Variants in C2orf72 observed in about 807,000 individuals in gnomAD.
C2orf72 encodes uncharacterized protein C2orf72.
Under a neutral mutation model 14.4 loss-of-function variants are expected in C2orf72, and 16 were observed. The observed-to-expected ratio is 1.11, with a 90% confidence interval of 0.75 to 1.69. The LOEUF is 1.69. Ranked by LOEUF, C2orf72 falls within the 40% of genes most tolerant of loss-of-function variation. The pLI, the probability that C2orf72 is intolerant of heterozygous loss-of-function variation, is 0.00. For synonymous variants in C2orf72, 168 were observed against 176.8 expected (o/e 0.95, Z 0.40); for missense variants, 371 against 358.3 (o/e 1.04, Z -0.29).
In C2orf72 at chr2:231,038,045, G is replaced by C. The variant is rs940181171; in HGVS notation, c.480G>C (p.Leu160=). ...AGPEDAVAPG[L]RLLEALLRAV... is the part of the protein sequence containing the mutation. ...CAGAGGACGCGGTGGCGCCGGGGCT[G>C]CGGCTGCTGGAGGCGCTGTTGCGCG... The change falls in exon 1 of 3, where the codon CTG becomes CTC. Residue 160 remains leucine (L), a synonymous_variant. Transcript: ENST00000373640. 14 of 1,102,562 alleles carry C rather than the reference G, an allele frequency of 1.3e-5. No homozygotes were observed. The African/African-American group carries it at 2.3e-4, about 18-fold the overall frequency. 68.3% of individuals were successfully genotyped at this position (1,102,562 alleles called of 1,614,324 possible).
At chr2:231,044,100 A>C (rs1693378708) in intron 2 of C2orf72, among the ~76,000 whole-genome samples, 1 of 152,194 alleles carries the variant, frequency 6.6e-6, no homozygotes, top group African/African-American at 2.4e-5. Flanking sequence ...AAAATATGCT[A>C]TAAAAGATCA....
intron 2 of C2orf72, among the ~76,000 whole-genome samples, chr2:231,045,157 G>A (rs1057309184): frequency 7.2e-5 from 11 of 151,734 alleles, no homozygotes; most frequent in East Asian, 3.9e-4. Flanking sequence ...TCAGCTACTC[G>A]GGAGGCTGAG....
At chr2:231,040,177 T>C (rs896613530) in intron 1 of C2orf72, among the ~76,000 whole-genome samples, 2 of 152,204 alleles carry the variant, frequency 1.3e-5, no homozygotes, top group African/African-American at 2.4e-5. Flanking sequence ...TCCCTTGACC[T>C]TCCCTGCTCC....
At chr2:231,042,376 C>T (rs574547604) in intron 2 of C2orf72, among the ~76,000 whole-genome samples, 37 of 152,148 alleles carry the variant, frequency 2.4e-4, no homozygotes, top group Non-Finnish European at 4.7e-4. Flanking sequence ...TATATACCTA[C>T]GATAAAGCTT....
chr2:231,045,972 C>G (rs1693409947), intron 2 of C2orf72, among the ~76,000 whole-genome samples: 1 of 152,154 alleles, frequency 6.6e-6, no homozygotes, highest in Non-Finnish European at 1.5e-5. Context: ...AATTATATGT[C>G]AACAACATAT....
intron 2 of C2orf72, among the ~76,000 whole-genome samples, chr2:231,044,962 T>TATATATATATATACACACAC (rs985747494): frequency 6.8e-6 from 1 of 146,424 alleles, no homozygotes; most frequent in African/African-American, 2.5e-5. Flanking sequence ...TATATATATA[T>TATATATATATATACACACAC]ACACACACAC....
In C2orf72 at chr2:231,047,860, T is replaced by C. The variant is rs1693439457; in HGVS notation, c.*839T>C. 1 of 152,536 alleles carries C rather than the reference T, an allele frequency of 6.6e-6. No homozygotes were observed. The highest frequency in any genetic ancestry group is 6.5e-5 in the Admixed American group (1 of 15,308). The allele number at this position is 152,536 out of a possible 1,614,324, so 9.4% of individuals were successfully genotyped here. On this transcript the variant is annotated 3_prime_UTR_variant, in exon 3 of 3. Transcript: ENST00000373640. ...GCGTGCTGCAGGGCCAGGACAGAAA[T>C]AGCCACACATGCCGGTGAGAACAAA...
chr2:231,047,298 A>G lies in C2orf72; in HGVS notation c.*277A>G, dbSNP rs2125139585. 1 of 505,348 alleles carries G rather than the reference A, an allele frequency of 2.0e-6. No individual in the cohort carries two copies. Among genetic ancestry groups the G allele is most frequent in the Admixed American group, 2.6e-5 (1 of 39,044 alleles). 31.3% of individuals were successfully genotyped at this position (505,348 alleles called of 1,614,324 possible). On this transcript the variant is annotated 3_prime_UTR_variant, in exon 3 of 3. Coordinates refer to ENST00000373640, the MANE Select transcript of C2orf72 (RefSeq NM_001144994.2). Reference sequence around the variant, plus strand: ...CTCGGTTTCTCTGAGCCACTGAGACAGATGGCTGTCCGCTTTGAGGCTCTG... The same window carrying G: ...CTCGGTTTCTCTGAGCCACTGAGACGGATGGCTGTCCGCTTTGAGGCTCTG...
intron 2 of C2orf72, among the ~76,000 whole-genome samples, chr2:231,045,462 C>T (rs1443961564): frequency 6.7e-6 from 1 of 148,448 alleles, no homozygotes; most frequent in Non-Finnish European, 1.5e-5. Flanking sequence ...AACATCAGGA[C>T]AACTACAAGG....
At chr2:231,040,664 A>C (rs1341071418) in intron 1 of C2orf72, among the ~76,000 whole-genome samples, 1 of 152,234 alleles carries the variant, frequency 6.6e-6, no homozygotes, top group Non-Finnish European at 1.5e-5. Context: ...TCTGATGATA[A>C]TTCTTATTCT....
Position 231,048,286 on chromosome 2 carries a change from G to A in C2orf72, c.*1265G>A, listed in dbSNP as rs952475872. On this transcript the variant is annotated 3_prime_UTR_variant, in exon 3 of 3. Transcript: ENST00000373640. Reference sequence around the variant, plus strand: ...TCCCTGGAGGGGAGGCACTAGCTGAGGGAAGTAGCTCCCTTCATTCATGAT... The same window carrying A: ...TCCCTGGAGGGGAGGCACTAGCTGAAGGAAGTAGCTCCCTTCATTCATGAT... 3.3e-5 allele frequency: 5 copies of A among 152,262 alleles called. No homozygotes were observed. The highest frequency in any genetic ancestry group is 1.2e-4 in the African/African-American group (5 of 41,462). 9.4% of individuals were successfully genotyped at this position (152,262 alleles called of 1,614,324 possible).
chr2:231,044,982 A>C (rs1693395630), intron 2 of C2orf72, among the ~76,000 whole-genome samples: 1 of 138,910 alleles, frequency 7.2e-6, no homozygotes, highest in Non-Finnish European at 1.6e-5. Context: ...CACACATATA[A>C]GTAGAGGGAG....
In C2orf72 at chr2:231,046,976, T is replaced by C. The variant is rs1447708866; in HGVS notation, c.843T>C (p.Asp281=). Residue 281 remains aspartate, a synonymous_variant, in exon 3 of 3, where the codon GAT becomes GAC. Coordinates refer to ENST00000373640, the MANE Select transcript of C2orf72 (RefSeq NM_001144994.2). The part of the protein sequence containing the change: ...DDLGRGSKAC[D]GVVHTPAEPT... The stretch of plus-strand genomic sequence containing the variant: ...TTGGAAGGGGGTCAAAAGCCTGTGA[T>C]GGAGTCGTACACACTCCTGCTGAGC... 1.9e-6 allele frequency: 3 copies of C among 1,551,582 alleles called. No homozygotes were observed. The highest frequency in any genetic ancestry group is 2.7e-5 in the African/African-American group (2 of 73,036).
At chr2:231,040,274 C>T (rs78567546) in intron 1 of C2orf72, among the ~76,000 whole-genome samples, 5,750 of 152,240 alleles carry the variant, frequency 0.038, 279 homozygotes, top group South Asian at 0.19. Flanking sequence ...CCCTTGTGAA[C>T]ATGATTTTGT....
chr2:231,046,285 C>T (rs1315731275), intron 2 of C2orf72, among the ~76,000 whole-genome samples: 1 of 142,410 alleles, frequency 7.0e-6, no homozygotes, highest in Non-Finnish European at 1.5e-5. Flanking sequence ...AATTTTACTT[C>T]TATGCAGTGT....
chr2:231,046,661 C>T (rs896362004), intron 2 of C2orf72, among the ~76,000 whole-genome samples: 11 of 152,182 alleles, frequency 7.2e-5, no homozygotes, highest in Non-Finnish European at 1.2e-4. Flanking sequence ...AAGATAGCTC[C>T]AGCAGTTCCA....
At position 231,038,072 on chromosome 2, in the gene C2orf72, C is replaced by A. The variant is rs1693282877; in HGVS notation, c.507C>A (p.Ala169=). 9 of 1,131,738 alleles carry A rather than the reference C, an allele frequency of 8.0e-6. No homozygotes were observed. The highest frequency in any genetic ancestry group is 9.7e-6 in the Non-Finnish European group (9 of 924,688). The allele number at this position is 1,131,738 out of a possible 1,614,324, so 70.1% of individuals were successfully genotyped here. The part of the protein sequence containing the change: ...GLRLLEALLR[A]VFGRQAGGPV... ...GGCTGCTGGAGGCGCTGTTGCGCGC[C>A]GTGTTCGGCCGCCAGGCGGGGGGGC... Residue 169 remains alanine (A), a synonymous_variant, in exon 1 of 3, where the codon GCC becomes GCA. Transcript: ENST00000373640.
intron 1 of C2orf72, among the ~76,000 whole-genome samples, chr2:231,040,250 C>A (rs1485022798): frequency 6.6e-6 from 1 of 152,192 alleles, no homozygotes; most frequent in African/African-American, 2.4e-5. Flanking sequence ...GAGCTCTTAC[C>A]ACATGATTTC....
In C2orf72 at chr2:231,037,767, G is replaced by A. The variant is rs901493064; in HGVS notation, c.202G>A (p.Gly68Ser). ...PPEPGAAKPGGAAAEGAGPGA... is the reference protein window; with the variant it reads ...PPEPGAAKPGSAAAEGAGPGA... ...GGAGCCAGGCGCGGCCAAGCCGGGC[G>A]GCGCGGCGGCAGAGGGCGCGGGGCC... The change falls in exon 1 of 3, where the codon GGC (glycine) becomes AGC (serine). Residue 68 changes from glycine to serine, a missense_variant. Gly to Ser is a moderately conservative substitution (Grantham distance 56). Transcript: ENST00000373640. 2 of 992,698 alleles carry A rather than the reference G, an allele frequency of 2.0e-6. No homozygotes were observed. Among genetic ancestry groups the A allele is most frequent in the East Asian group, 1.1e-4 (1 of 9,214 alleles). The allele number at this position is 992,698 out of a possible 1,614,324, so 61.5% of individuals were successfully genotyped here.
Sources: gnomAD v4.1 joint callset for allele counts (sites outside exome capture counted in the v4.1 genomes callset) on GRCh38, gnomAD v4.1.1 for gene constraint, MANE v1.5 for transcripts, NCBI Gene and HGNC (gene_info 2026-07-23, HGNC 2026-07-21) for gene names.